SUN5: variants seen among roughly 807,000 people sequenced by gnomAD.
SUN5 encodes SUN domain-containing protein 5.
In SUN5, 44 loss-of-function variants were observed where a neutral mutation model predicts 53.7. The ratio of observed to expected loss-of-function variants is 0.82; its 90% confidence interval spans 0.64 to 1.05. The LOEUF is 1.05. SUN5 is among the 50% of genes least tolerant of loss of function. The probability of loss-of-function intolerance (pLI) is 0.00; values close to 1 mark genes in which losing one functional copy is unlikely to be tolerated. For synonymous variants in SUN5, 166 were observed against 179.8 expected, an observed-to-expected ratio of 0.92 and a Z score of 0.62; for missense variants, 433 against 483.8, an observed-to-expected ratio of 0.90 and a Z score of 0.98.
Position 32,997,702 on chromosome 20 carries a change from G to A in SUN5, c.341-15C>T. On this transcript the variant is annotated splice_polypyrimidine_tract_variant and intron_variant, in intron 5 of 12. Coordinates refer to ENST00000356173, the MANE Select transcript of SUN5 (RefSeq NM_080675.4). ...CATCCAGAATCCTGTGAGGCCATGA[G>A]AATAAGAATGAGCCATTTAACATGC... is the stretch of plus-strand genomic sequence containing the variant. 1 of 1,613,824 alleles carries A rather than the reference G, an allele frequency of 6.2e-7. No individual in the cohort carries two copies. Among genetic ancestry groups the A allele is most frequent in the Admixed American group, 1.7e-5 (1 of 60,002 alleles).
intron 8 of SUN5, among the ~76,000 whole-genome samples, chr20:32,993,949 C>T (rs1989773299): frequency 6.6e-6 from 1 of 152,226 alleles, no homozygotes; most frequent in African/African-American, 2.4e-5. Flanking sequence ...CCTGGGGGCA[C>T]TAAATCAATC....
intron 8 of SUN5, 41 bp from the exon 9 acceptor site, chr20:32,989,739 T>C (rs1286717413): frequency 3.8e-6 from 6 of 1,570,880 alleles, no homozygotes; most frequent in Non-Finnish European, 5.3e-6. Context: ...TGGTGTGTTG[T>C]CACGGACTGT....
intron 6 of SUN5, among the ~76,000 whole-genome samples, chr20:32,997,006 C>T (rs1600498188): frequency 6.6e-6 from 1 of 152,168 alleles, no homozygotes; most frequent in Non-Finnish European, 1.5e-5. Context: ...GCTGCCAGTA[C>T]AGTTGGAGAG....
In SUN5 at chr20:32,994,002, G is replaced by A. The variant is rs569327517; in HGVS notation, c.534+1617C>T. 1.3e-4 allele frequency among the ~76,000 whole-genome samples: 20 copies of A among 152,294 alleles called. No individual in the cohort carries two copies. The East Asian group carries it at 3.7e-3, about 28-fold the overall frequency. On this transcript the variant is annotated intron_variant, in intron 8 of 12. Coordinates refer to ENST00000356173, the MANE Select transcript of SUN5 (RefSeq NM_080675.4). ...CCAGGAATCCAAGTTTGCTCCTGGC[G>A]GAGAAGGCTGCCACCAGGCCCAGAG...
chr20:33,002,752 A>T, intron 2 of SUN5, 91 bp from the exon 3 acceptor site: 2 of 1,599,352 alleles, frequency 1.3e-6, no homozygotes, highest in South Asian at 2.2e-5. Context: ...TGGTGCGAAC[A>T]TCCCTGCCCC....
chr20:32,990,820 CCA>C (rs1239158880), intron 8 of SUN5, among the ~76,000 whole-genome samples: 1 of 152,202 alleles, frequency 6.6e-6, no homozygotes, highest in Non-Finnish European at 1.5e-5. Flanking sequence ...CAAGCCATCT[CCA>C]CTGTGTCCTG....
At chr20:32,995,549 TGAG>T in intron 8 of SUN5, 67 bp downstream of exon 8, 1 of 1,334,340 alleles carries the variant, frequency 7.5e-7, no homozygotes, top group Non-Finnish European at 1.1e-6. Flanking sequence ...AAAGAACACT[TGAG>T]GTATAGGAAA....
intron 9 of SUN5, among the ~76,000 whole-genome samples, chr20:32,988,223 C>T (rs1325492393): frequency 3.3e-5 from 5 of 152,180 alleles, no homozygotes; most frequent in Non-Finnish European, 7.3e-5. Context: ...ACGACCGACA[C>T]CCATTGTGCA....
intron 5 of SUN5, among the ~76,000 whole-genome samples, chr20:32,998,104 T>C (rs6059001): frequency 0.62 from 90,950 of 146,866 alleles, 28,896 homozygotes; most frequent in East Asian, 0.98. Context: ...TTTGGAAGGC[T>C]GAGGCAGGCA....
chr20:32,996,776 C>T (rs420128), intron 6 of SUN5, among the ~76,000 whole-genome samples: 52,315 of 151,802 alleles, frequency 0.34, 9,697 homozygotes, highest in East Asian at 0.79. Flanking sequence ...TTCATCCACC[C>T]ATTCACCTAT....
intron 8 of SUN5, among the ~76,000 whole-genome samples, chr20:32,992,906 A>G (rs1317602908): frequency 6.6e-6 from 1 of 152,182 alleles, no homozygotes; most frequent in Non-Finnish European, 1.5e-5. Context: ...TATGACACCA[A>G]TTGCTGGTGA....
chr20:32,988,710 T>C (rs1187240764), intron 9 of SUN5, among the ~76,000 whole-genome samples: 1 of 151,740 alleles, frequency 6.6e-6, no homozygotes, highest in East Asian at 1.9e-4. Context: ...TGCCTCAGCC[T>C]CCCGAGTAGC....
In SUN5 at chr20:32,995,712, C is replaced by CCAT; in HGVS notation, c.440_441insATG (p.Lys147_Val148insTrp). ...GGATTTCCCCACTGTGATGTCGCAC[C>CCAT]TTCTCCTGGTACAACCTTATCAGGA... On this transcript the variant is annotated inframe_insertion, in exon 8 of 13. Coordinates refer to ENST00000356173, the MANE Select transcript of SUN5 (RefSeq NM_080675.4). 1 of 1,614,110 alleles carries CCAT rather than the reference C, an allele frequency of 6.2e-7. No individual in the cohort carries two copies. Among genetic ancestry groups the CCAT allele is most frequent in the East Asian group, 2.2e-5 (1 of 44,870 alleles).
intron 8 of SUN5, among the ~76,000 whole-genome samples, chr20:32,992,192 C>A (rs1419081666): frequency 6.6e-6 from 1 of 152,172 alleles, no homozygotes; most frequent in Non-Finnish European, 1.5e-5. Context: ...CTTGGCTACC[C>A]ACTAGATGCC....
chr20:32,994,515 A>C (rs1217577964), intron 8 of SUN5, among the ~76,000 whole-genome samples: 4 of 152,240 alleles, frequency 2.6e-5, no homozygotes, highest in Non-Finnish European at 2.9e-5. Flanking sequence ...TGGACAACAT[A>C]GGTGAAATGT....
chr20:32,985,514 C>T (rs13044628), intron 11 of SUN5, among the ~76,000 whole-genome samples: 78,091 of 151,768 alleles, frequency 0.51, 20,782 homozygotes, highest in Middle Eastern at 0.6. Context: ...AAGATTATCT[C>T]GGCTCTGAAA....
At chr20:32,984,329 A>C (rs1600486601) in intron 12 of SUN5, among the ~76,000 whole-genome samples, 1 of 152,108 alleles carries the variant, frequency 6.6e-6, no homozygotes, top group East Asian at 1.9e-4. Flanking sequence ...GGCGGCCTCT[A>C]GAAGAGAATC....
At chr20:32,994,775 TG>T in intron 8 of SUN5, among the ~76,000 whole-genome samples, 1 of 137,848 alleles carries the variant, frequency 7.3e-6, no homozygotes, top group South Asian at 2.7e-4. Flanking sequence ...AATGTGCACC[TG>T]CAATCCCAGC....
In SUN5 at chr20:33,001,135, C is replaced by A. The variant is rs551523349; in HGVS notation, c.278+77G>T. The A allele has an allele frequency of 3.3e-6, 5 of 1,498,746 alleles. No homozygotes were observed. The African/African-American group carries it at 6.9e-5, about 21-fold the overall frequency. 92.8% of individuals were successfully genotyped at this position (1,498,746 alleles called of 1,614,324 possible). On this transcript the variant is annotated intron_variant, in intron 4 of 12. Transcript: ENST00000356173. ...TCTGGCTACCAAGGGGAGATCCAAA[C>A]TGATGGAGGGGCTGTTATGGTCCCC...
Sources: gnomAD v4.1 joint callset for allele counts (sites outside exome capture counted in the v4.1 genomes callset) on GRCh38, gnomAD v4.1.1 for gene constraint, MANE v1.5 for transcripts, NCBI Gene and HGNC (gene_info 2026-07-23, HGNC 2026-07-21) for gene names.